The following ZNG1A variants were observed in gnomAD, a reference collection of about 807,000 sequenced individuals.
ZNG1A encodes the protein Zn regulated GTPase metalloprotein activator 1A.
the ZNG1A span, among the ~76,000 whole-genome samples, chr9:129,961 T>C: frequency 1.3e-5 from 2 of 150,678 alleles, no homozygotes; most frequent in African/African-American, 5.0e-5. Context: ...AGCTATGCTG[T>C]ATAGCCTGTT....
chr9:140,068 C>A, the ZNG1A span, among the ~76,000 whole-genome samples: 2 of 150,706 alleles, frequency 1.3e-5, no homozygotes, highest in Admixed American at 6.6e-5. Context: ...AACTGCAAGG[C>A]GGCAGCGAGG....
chr9:162,291 T>C, the ZNG1A span: 5 of 732,622 alleles, frequency 6.8e-6, no homozygotes, highest in Non-Finnish European at 6.3e-6. Flanking sequence ...AACACAAATT[T>C]CACCTATTGT....
the ZNG1A span, among the ~76,000 whole-genome samples, chr9:144,565 A>C: frequency 6.6e-6 from 1 of 152,112 alleles, no homozygotes; most frequent in African/African-American, 2.4e-5. Flanking sequence ...TTAAAGACTT[A>C]AACGTTTGAC....
chr9:161,081 G>C, the ZNG1A span, among the ~76,000 whole-genome samples: 21 of 151,754 alleles, frequency 1.4e-4, no homozygotes, highest in African/African-American at 4.8e-4. Context: ...AGAAGGCCCA[G>C]TGAAGAGGTA....
At chr9:176,825 T>A in the ZNG1A span, among the ~76,000 whole-genome samples, 23 of 150,880 alleles carry the variant, frequency 1.5e-4, no homozygotes, top group African/African-American at 5.7e-4. Flanking sequence ...TTACTAGGGC[T>A]TTTTAACCAT....
the ZNG1A span, among the ~76,000 whole-genome samples, chr9:152,340 C>T: frequency 6.6e-6 from 1 of 152,140 alleles, no homozygotes; most frequent in African/African-American, 2.4e-5. Context: ...AGATTAAGGG[C>T]TACTTTGTGG....
chr9:130,148 A>G, the ZNG1A span, among the ~76,000 whole-genome samples: 1 of 150,926 alleles, frequency 6.6e-6, no homozygotes, highest in East Asian at 1.9e-4. Flanking sequence ...TTAAATCTTA[A>G]TAAACATACT....
the ZNG1A span, among the ~76,000 whole-genome samples, chr9:140,543 T>C: frequency 6.6e-6 from 1 of 151,098 alleles, no homozygotes; most frequent in Non-Finnish European, 1.5e-5. Context: ...CAAAAGTAGA[T>C]AAAAACCACA....
the ZNG1A span, among the ~76,000 whole-genome samples, chr9:145,008 C>T: frequency 2.0e-5 from 3 of 150,468 alleles, no homozygotes; most frequent in Non-Finnish European, 4.4e-5. Context: ...TACTATCTCA[C>T]ACCAGTTAGA....
chr9:128,735 G>A, the ZNG1A span, among the ~76,000 whole-genome samples: 1 of 150,236 alleles, frequency 6.7e-6, no homozygotes, highest in African/African-American at 2.5e-5. Flanking sequence ...GGATTTTTTG[G>A]GGGGTGTTAA....
chr9:157,169 T>A, the ZNG1A span, among the ~76,000 whole-genome samples: 1 of 134,560 alleles, frequency 7.4e-6, no homozygotes. Context: ...GGCCTCTCAG[T>A]GCAACTGTTT....
the ZNG1A span, among the ~76,000 whole-genome samples, chr9:143,248 G>A: frequency 1.3e-5 from 2 of 148,220 alleles, no homozygotes; most frequent in African/African-American, 2.5e-5. Flanking sequence ...CCAAAAAAGA[G>A]AATTTTAGAC....
At chr9:147,539 C>T in the ZNG1A span, 1 of 134,068 alleles carries the variant, frequency 7.5e-6, no homozygotes, top group South Asian at 2.3e-4. Context: ...CATCTTATTA[C>T]TCCAAAGTTC....
the ZNG1A span, among the ~76,000 whole-genome samples, chr9:157,211 T>C: frequency 2.7e-4 from 38 of 142,694 alleles, no homozygotes; most frequent in Admixed American, 4.3e-4. Flanking sequence ...TCAGGCTAAC[T>C]CCAAAAAATA....
At chr9:150,526 A>G in the ZNG1A span, 5 of 970,844 alleles carry the variant, frequency 5.2e-6, no homozygotes, top group Non-Finnish European at 6.1e-6. Context: ...TAAGAATTGT[A>G]CTCAGGACAT....
At chr9:172,332 T>C in the ZNG1A span, 6 of 796,686 alleles carry the variant, frequency 7.5e-6, no homozygotes, top group African/African-American at 1.1e-4. Context: ...GTCCGTCCCA[T>C]ATTTACCAGT....
chr9:171,458 A>G, the ZNG1A span: 1 of 152,216 alleles, frequency 6.6e-6, no homozygotes, highest in African/African-American at 2.4e-5. Flanking sequence ...ATCAAGAATT[A>G]GAGCTTGGTA....
the ZNG1A span, chr9:160,238 G>A: frequency 2.2e-6 from 1 of 453,102 alleles, no homozygotes; most frequent in Admixed American, 2.4e-5. Context: ...AGTTTGGCTG[G>A]CTGGCCACAG....
At chr9:140,845 A>G in the ZNG1A span, among the ~76,000 whole-genome samples, 1 of 148,584 alleles carries the variant, frequency 6.7e-6, no homozygotes, top group East Asian at 2.0e-4. Context: ...GAAGTGCTTA[A>G]AGGAGCTGAT....
Sources: gnomAD v4.1 joint callset for allele counts (sites outside exome capture counted in the v4.1 genomes callset) on GRCh38, gnomAD v4.1.1 for gene constraint, MANE v1.5 for transcripts, NCBI Gene and HGNC (gene_info 2026-07-23, HGNC 2026-07-21) for gene names.